NELFB: variants seen among roughly 807,000 people sequenced by gnomAD.
The protein encoded by NELFB is negative elongation factor B.
Under a neutral mutation model 60.2 loss-of-function variants are expected in NELFB, and 34 were observed. The ratio of observed to expected loss-of-function variants is 0.56; its 90% CI spans 0.43 to 0.75. The LOEUF (loss-of-function observed/expected upper bound fraction) is 0.75, where lower values mean the gene tolerates loss of function less well. NELFB is among the 30% of genes least tolerant of loss of function. NELFB has a pLI of 0.00. For missense variants in NELFB, 770 were observed against 831.6 expected, an observed-to-expected ratio of 0.93 and a Z score of 0.91; for synonymous variants, 459 against 382.1, an observed-to-expected ratio of 1.20 and a Z score of -2.35.
chr9:137,267,638 C>T (rs138124473), intron 10 of NELFB, among the ~76,000 whole-genome samples: 232 of 152,008 alleles, frequency 1.5e-3, no homozygotes, highest in African/African-American at 5.5e-3. Flanking sequence ...GGATTACAGG[C>T]GCGTGCCACC....
At chr9:137,256,536 C>T (rs1837554539) in intron 3 of NELFB, 108 bp downstream of exon 3, 2 of 981,264 alleles carry the variant, frequency 2.0e-6, no homozygotes, top group Non-Finnish European at 3.1e-6. Flanking sequence ...TCCTGTGCTG[C>T]CTGCCCAAGT....
intron 10 of NELFB, among the ~76,000 whole-genome samples, 191 bp from the exon 11 acceptor site, chr9:137,271,889 AC>A (rs1830588167): frequency 1.2e-5 from 1 of 80,398 alleles, no homozygotes; most frequent in Non-Finnish European, 2.4e-5. Context: ...CACAGGTCCC[AC>A]CCCCTGCCTG....
intron 3 of NELFB, 29 bp downstream of exon 3, chr9:137,256,457 G>A (rs1309548863): frequency 1.3e-6 from 2 of 1,593,774 alleles, no homozygotes; most frequent in East Asian, 2.2e-5. Context: ...CCCTGATGGC[G>A]TGGACCGTCC....
At position 137,267,259 on chromosome 9, in the gene NELFB, A is replaced by G. The variant is rs1287899920; in HGVS notation, c.1402A>G (p.Met468Val). ...GCGCAGGTTTCTGCAGGAGCAGCGC[A>G]TGGCCTGCGAGGTGGGGCTGTACTA... The change falls in exon 10 of 13, where the codon ATG becomes GTG. Residue 468 changes from methionine to valine, a missense_variant. Physicochemically the swap from Met to Val is conservative, Grantham distance 21 (BLOSUM62 1). Coordinates refer to ENST00000343053, the MANE Select transcript of NELFB (RefSeq NM_015456.5). 3.7e-6 allele frequency: 6 copies of G among 1,612,664 alleles called. No homozygotes were observed. The highest frequency in any genetic ancestry group is 2.2e-5 in the East Asian group (1 of 44,862).
intron 5 of NELFB, 143 bp from the exon 6 acceptor site, chr9:137,264,102 G>A (rs1409753229): frequency 6.3e-6 from 4 of 634,300 alleles, no homozygotes; most frequent in East Asian, 2.8e-5. Context: ...ACACTGCACC[G>A]TCAGGATGAC....
At chr9:137,262,929 G>A in intron 4 of NELFB, 108 bp from the exon 5 acceptor site, 2 of 1,198,582 alleles carry the variant, frequency 1.7e-6, no homozygotes, top group South Asian at 1.4e-5. Context: ...CCAAAAAGTA[G>A]GAAGGACAGA....
chr9:137,264,098 C>T, intron 5 of NELFB, 147 bp from the exon 6 acceptor site: 1 of 625,518 alleles, frequency 1.6e-6, no homozygotes, highest in Non-Finnish European at 2.9e-6. Flanking sequence ...GGGAACACTG[C>T]ACCGTCAGGA....
chr9:137,263,140 ACTG>A lies in NELFB; in HGVS notation c.847_849del (p.Cys283del). 6.2e-7 allele frequency: 1 copy of A among 1,614,088 alleles called. No homozygotes were observed. The highest frequency in any genetic ancestry group is 8.5e-7 in the Non-Finnish European group (1 of 1,180,010). On this transcript the variant is annotated inframe_deletion, in exon 5 of 13. Coordinates refer to ENST00000343053, the MANE Select transcript of NELFB (RefSeq NM_015456.5). Reference sequence around the variant, plus strand: ...TTCCTGCGCACGCGGAATGTGCACTACTGCACGCTGCGGGCTGAGCTGCTCATG... The same window carrying A: ...TTCCTGCGCACGCGGAATGTGCACTACACGCTGCGGGCTGAGCTGCTCATG...
chr9:137,272,084 AGACCTTTGGCGACTT>A lies in NELFB; in HGVS notation c.1495_1509del (p.Thr499_Leu503del). 6.2e-7 allele frequency: 1 copy of A among 1,614,076 alleles called. No homozygotes were observed. Among genetic ancestry groups the A allele is most frequent in the Non-Finnish European group, 8.5e-7 (1 of 1,180,006 alleles). ...CTGATGCCTGCTGTGTCTGCAGTGG[AGACCTTTGGCGACTT>A]GGCCTTTGGCGACATCTTCCTCCAC... On this transcript the variant is annotated inframe_deletion, in exon 11 of 13. Coordinates refer to ENST00000343053, the MANE Select transcript of NELFB (RefSeq NM_015456.5).
intron 6 of NELFB, among the ~76,000 whole-genome samples, chr9:137,265,580 G>C (rs75671134): frequency 0.094 from 14,192 of 151,606 alleles, 883 homozygotes; most frequent in East Asian, 0.29. Flanking sequence ...GGTAGAGACA[G>C]GGTTTCACTT....
chr9:137,265,733 C>G (rs1175739391), intron 6 of NELFB, 144 bp from the exon 7 acceptor site: 1 of 632,444 alleles, frequency 1.6e-6, no homozygotes, highest in African/African-American at 1.8e-5. Flanking sequence ...CTCGGCCATC[C>G]TTAAGCTTTT....
chr9:137,255,765 T>A, intron 1 of NELFB, 142 bp from the exon 2 acceptor site: 4 of 1,484,946 alleles, frequency 2.7e-6, no homozygotes, highest in Non-Finnish European at 3.6e-6. Flanking sequence ...ACCCCTTTGC[T>A]GGACGGCTGG....
chr9:137,263,508 C>T (rs572351203), intron 5 of NELFB, among the ~76,000 whole-genome samples: 15 of 148,538 alleles, frequency 1.0e-4, no homozygotes, highest in South Asian at 4.4e-4. Flanking sequence ...ATTGCCCTCC[C>T]TCCTTCCCCC....
At chr9:137,265,257 G>A (rs922683095) in intron 6 of NELFB, among the ~76,000 whole-genome samples, 15 of 150,758 alleles carry the variant, frequency 9.9e-5, no homozygotes, top group African/African-American at 2.9e-4. Context: ...ACAATCCACC[G>A]GCCTCAGCAT....
rs143831528 is a variant in NELFB, at chr9:137,269,803, G to C, written c.1490-2278G>C. Reference sequence around the variant, plus strand: ...TTCTGTTTCTTTCTCTCATTTGATTGTGGCTAGAAACAGGCTGGGAACCAG... The same window carrying C: ...TTCTGTTTCTTTCTCTCATTTGATTCTGGCTAGAAACAGGCTGGGAACCAG... On this transcript the variant is annotated intron_variant, in intron 10 of 12. Coordinates refer to ENST00000343053, the MANE Select transcript of NELFB (RefSeq NM_015456.5). The surrounding 1 kb of genome is among the most constrained non-coding windows in gnomAD (Gnocchi z 5.3). Among the ~76,000 whole-genome samples the C allele has an allele frequency of 6.6e-6, 1 of 152,198 alleles. No homozygotes were observed. The highest frequency in any genetic ancestry group is 1.5e-5 in the Non-Finnish European group (1 of 68,044).
chr9:137,260,142 C>T (rs1353581313), intron 4 of NELFB, among the ~76,000 whole-genome samples: 6 of 151,128 alleles, frequency 4.0e-5, no homozygotes, highest in African/African-American at 9.7e-5. Flanking sequence ...CTCCGCCTCC[C>T]GGGTTCACTC....
chr9:137,262,937 A>G (rs1285256959), intron 4 of NELFB, 100 bp from the exon 5 acceptor site: 2 of 1,287,184 alleles, frequency 1.6e-6, no homozygotes, highest in African/African-American at 1.5e-5. Context: ...TAGGAAGGAC[A>G]GATGTCCAGA....
chr9:137,263,708 C>G (rs887663181), intron 5 of NELFB, among the ~76,000 whole-genome samples: 2 of 151,950 alleles, frequency 1.3e-5, no homozygotes, highest in African/African-American at 4.8e-5. Flanking sequence ...CCTGGCCGTT[C>G]CCGGGGACTC....
rs1412097307 is a variant in NELFB at position 137,269,298 on chromosome 9, A to G, written c.1489+1952A>G. 6.6e-6 allele frequency among the ~76,000 whole-genome samples: 1 copy of G among 152,180 alleles called. No homozygotes were observed. Among genetic ancestry groups the G allele is most frequent in the African/African-American group, 2.4e-5 (1 of 41,438 alleles). On this transcript the variant is annotated intron_variant, in intron 10 of 12. Coordinates refer to ENST00000343053, the MANE Select transcript of NELFB (RefSeq NM_015456.5). The surrounding 1 kb of genome is among the most constrained non-coding windows in gnomAD (Gnocchi z 5.3). ...GACAGTGGCATTAGACAGCGCAGGC[A>G]GACATGACCTCCTGGGCTTCTGCGG... is the stretch of plus-strand genomic sequence containing the variant.
Sources: gnomAD v4.1 joint callset for allele counts (sites outside exome capture counted in the v4.1 genomes callset) on GRCh38, gnomAD v4.1.1 for gene constraint, Gnocchi (gnomAD v3.1) non-coding constraint, MANE v1.5 for transcripts, NCBI Gene and HGNC (gene_info 2026-07-23, HGNC 2026-07-21) for gene names.